Variants in SEC61B observed in about 807,000 individuals in gnomAD.
SEC61B encodes the protein SEC61 translocon subunit beta.
SEC61B carries 7 observed loss-of-function variants against 12.6 expected under a neutral mutation model. That is an observed-to-expected ratio of 0.55 (90% CI 0.32 to 1.04). The LOEUF (loss-of-function observed/expected upper bound fraction) is 1.04. Among genes scored for constraint, SEC61B ranks in the 50% least tolerant of loss-of-function variants. The probability of loss-of-function intolerance (pLI) is 0.05; values close to 1 mark genes in which losing one functional copy is unlikely to be tolerated. For missense variants in SEC61B, 107 were observed against 130.1 expected (o/e 0.82, Z 0.86); for synonymous variants, 54 against 50.1 (o/e 1.08, Z -0.33).
chr9:99,229,814 A>G (rs996020676), intron 3 of SEC61B, among the ~76,000 whole-genome samples: 1 of 152,298 alleles, frequency 6.6e-6, no homozygotes, highest in South Asian at 2.1e-4. Flanking sequence ...TACCTTAAGC[A>G]TTTATCCTTT....
chr9:99,229,400 T>C (rs1439876848), intron 3 of SEC61B, among the ~76,000 whole-genome samples: 1 of 152,148 alleles, frequency 6.6e-6, no homozygotes, highest in African/African-American at 2.4e-5. Context: ...TCATAGCTCA[T>C]TGTAGTCTTG....
intron 2 of SEC61B, among the ~76,000 whole-genome samples, chr9:99,227,473 A>G (rs1405260760): frequency 6.6e-6 from 1 of 152,180 alleles, no homozygotes; most frequent in Non-Finnish European, 1.5e-5. Context: ...ATTTTAAAAC[A>G]GGAATTTATT....
Position 99,227,895 on chromosome 9 carries a change from T to C in SEC61B, c.102-4T>C. 6.2e-7 allele frequency: 1 copy of C among 1,612,122 alleles called. No individual in the cohort carries two copies. The highest frequency in any genetic ancestry group is 8.5e-7 in the Non-Finnish European group (1 of 1,178,338). On this transcript the variant is annotated splice_polypyrimidine_tract_variant and splice_region_variant and intron_variant, in intron 2 of 3. Transcript: ENST00000223641. ...GCCATTTGTAACATTTTCCTCTCTTTCAGGAAAAATGCCAGCTGTGGGACA... is the reference window on the plus strand; with the variant it reads ...GCCATTTGTAACATTTTCCTCTCTTCCAGGAAAAATGCCAGCTGTGGGACA...
chr9:99,222,956 C>T (rs569838052), intron 2 of SEC61B: 8 of 268,348 alleles, frequency 3.0e-5, no homozygotes, highest in Middle Eastern at 1.2e-3. Flanking sequence ...TTCCATCTGG[C>T]GGCCCCATAA....
At chr9:99,223,361 GCT>G (rs1375263412) in intron 2 of SEC61B, among the ~76,000 whole-genome samples, 1 of 148,960 alleles carries the variant, frequency 6.7e-6, no homozygotes, top group Admixed American at 6.7e-5. Context: ...GGATACCAAA[GCT>G]CTTAGTGGTC....
rs1252970394 is a variant in SEC61B, at chr9:99,222,312, T to G, written c.-52T>G. ...CGCCAGCTGCCGGTCTTTCGGGGGC[T>G]CCGTAACTTTCTATCCGTCCGCGTC... On this transcript the variant is annotated 5_prime_UTR_variant, in exon 1 of 4. Transcript: ENST00000223641. 3.1e-6 allele frequency: 5 copies of G among 1,613,912 alleles called. No homozygotes were observed. Among genetic ancestry groups the G allele is most frequent in the Non-Finnish European group, 4.2e-6 (5 of 1,179,884 alleles).
At chr9:99,228,603 C>T (rs1828926951) in intron 3 of SEC61B, among the ~76,000 whole-genome samples, 1 of 152,212 alleles carries the variant, frequency 6.6e-6, no homozygotes, top group Non-Finnish European at 1.5e-5. Context: ...CTCAGGGTTT[C>T]TGGTGCTGTG....
chr9:99,222,585 G>A lies in SEC61B; in HGVS notation c.43G>A (p.Gly15Arg). ...TPSGTNVGSS[G>R]RSPSKAVAAR... ...CAGTGGCACTAACGTGGGATCCTCA[G>A]GGCGCTCTCCCAGCAAAGCAGTGGC... Residue 15 changes from glycine to arginine, a missense_variant, in exon 2 of 4, where the codon GGG becomes AGG. By Grantham distance (125) the Gly-to-Arg change is moderately radical. Coordinates refer to ENST00000223641, the MANE Select transcript of SEC61B (RefSeq NM_006808.3). 1 of 1,562,044 alleles carries A rather than the reference G, an allele frequency of 6.4e-7. No individual in the cohort carries two copies. Among genetic ancestry groups the A allele is most frequent in the Non-Finnish European group, 8.7e-7 (1 of 1,153,206 alleles).
chr9:99,229,129 A>G (rs1452933659), intron 3 of SEC61B, among the ~76,000 whole-genome samples: 1 of 152,178 alleles, frequency 6.6e-6, no homozygotes, highest in African/African-American at 2.4e-5. Flanking sequence ...TAGTTTACAA[A>G]GTCACAAAAG....
chr9:99,227,983 T>C lies in SEC61B; in HGVS notation c.186T>C (p.Asp62=), dbSNP rs748344740. Residue 62 remains aspartate (D), a synonymous_variant, in exon 3 of 4, where the codon GAT becomes GAC. Coordinates refer to ENST00000223641, the MANE Select transcript of SEC61B (RefSeq NM_006808.3). ...GGATGTGGCGATTCTACACAGAAGATTCACCTGGGCTCAAAGTGTAAGTCT... is the reference window on the plus strand; with the variant it reads ...GGATGTGGCGATTCTACACAGAAGACTCACCTGGGCTCAAAGTGTAAGTCT... ...TGGMWRFYTE[D]SPGLKVGPVP... The C allele has an allele frequency of 1.7e-5, 27 of 1,613,652 alleles. No individual in the cohort carries two copies. The highest frequency in any genetic ancestry group is 2.3e-5 in the Non-Finnish European group (27 of 1,179,756).
intron 2 of SEC61B, among the ~76,000 whole-genome samples, chr9:99,223,332 C>CA (rs530132509): frequency 0.086 from 11,039 of 128,790 alleles, 942 homozygotes; most frequent in East Asian, 0.44. Flanking sequence ...AACAAACAAA[C>CA]AAAAAAAAAA....
Position 99,224,517 on chromosome 9 carries a change from T to C in SEC61B, c.101+1874T>C, listed in dbSNP as rs576507734. Among the ~76,000 whole-genome samples the C allele has an allele frequency of 5.9e-5, 9 of 152,370 alleles. No individual in the cohort carries two copies. The South Asian group carries it at 1.9e-3, about 32-fold the overall frequency. On this transcript the variant is annotated intron_variant, in intron 2 of 3. Transcript: ENST00000223641. ...AGAAATAAAAGAAAAAGCACATATT[T>C]ATCAAATGTACATATGATAATGAAA... is the stretch of plus-strand genomic sequence containing the variant.
chr9:99,223,615 G>A (rs972694119), intron 2 of SEC61B, among the ~76,000 whole-genome samples: 3 of 151,796 alleles, frequency 2.0e-5, no homozygotes, highest in African/African-American at 7.3e-5. Context: ...GGATGGTCTC[G>A]ATCTCCTGAC....
At chr9:99,226,430 T>C (rs1828896053) in intron 2 of SEC61B, among the ~76,000 whole-genome samples, 1 of 152,198 alleles carries the variant, frequency 6.6e-6, no homozygotes, top group South Asian at 2.1e-4. Flanking sequence ...CTTCTCTTCT[T>C]TTCCGTATAT....
rs955654137 is a variant in SEC61B, at chr9:99,222,828, G to A, written c.101+185G>A. 3 of 525,664 alleles carry A rather than the reference G, an allele frequency of 5.7e-6. No individual in the cohort carries two copies. In the Admixed American group the frequency reaches 1.1e-4, roughly 20 times the overall value. 32.6% of individuals were successfully genotyped at this position (525,664 alleles called of 1,614,324 possible). A position where few individuals can be genotyped will look rare whatever the true frequency, so the allele number is the denominator to read the frequency against. ...GCGACATTTTTTTTCTCGTTGCTCA[G>A]TTTAGGGCACTACTCTTAAAAAAGG... On this transcript the variant is annotated intron_variant, in intron 2 of 3. Transcript: ENST00000223641.
chr9:99,230,269 C>G (rs568434781), intron 3 of SEC61B, 68 bp from the exon 4 acceptor site: 10 of 979,196 alleles, frequency 1.0e-5, no homozygotes, highest in Middle Eastern at 2.1e-4. Flanking sequence ...CCTAGGCAAT[C>G]TTTAGTATTG....
At chr9:99,228,054 T>C in intron 3 of SEC61B, 54 bp downstream of exon 3, 1 of 1,353,954 alleles carries the variant, frequency 7.4e-7, no homozygotes, top group Non-Finnish European at 1.1e-6. Flanking sequence ...AGAGCAGCAG[T>C]GGCAGCACTC....
At chr9:99,226,054 T>G (rs1239489255) in intron 2 of SEC61B, among the ~76,000 whole-genome samples, 4 of 152,264 alleles carry the variant, frequency 2.6e-5, no homozygotes, top group African/African-American at 4.8e-5. Flanking sequence ...TGTAAATCCC[T>G]GTACAGTTAT....
Position 99,222,341 on chromosome 9 carries a change from G to T in SEC61B, c.-23G>T. On this transcript the variant is annotated 5_prime_UTR_variant, in exon 1 of 4. Transcript: ENST00000223641. ...TAACTTTCTATCCGTCCGCGTCAGC[G>T]CCTTGCCACCCTCATCTCCAATATG... is the stretch of plus-strand genomic sequence containing the variant. 1 of 1,614,138 alleles carries T rather than the reference G, an allele frequency of 6.2e-7. No homozygotes were observed. The highest frequency in any genetic ancestry group is 8.5e-7 in the Non-Finnish European group (1 of 1,180,024).
Sources: gnomAD v4.1 joint callset for allele counts (sites outside exome capture counted in the v4.1 genomes callset) on GRCh38, gnomAD v4.1.1 for gene constraint, MANE v1.5 for transcripts, NCBI Gene and HGNC (gene_info 2026-07-23, HGNC 2026-07-21) for gene names.